STON2: variants seen among roughly 807,000 people sequenced by gnomAD.
The protein encoded by STON2 is stonin-2.
A neutral mutation model predicts 65.7 loss-of-function variants in STON2; 29 were observed. The observed-to-expected ratio is 0.44, with a 90% CI of 0.33 to 0.60. The LOEUF is 0.60. Among genes scored for constraint, STON2 ranks in the 20% least tolerant of loss-of-function variants. STON2 has a pLI of 0.03. For missense variants in STON2, 1,054 were observed against 1,118.1 expected, an observed-to-expected ratio of 0.94 and a Z score of 0.82; for synonymous variants, 404 against 414.2, an observed-to-expected ratio of 0.98 and a Z score of 0.30.
chr14:81,430,347 C>T (rs1056276106), intron 1 of STON2, among the ~76,000 whole-genome samples: 2 of 152,202 alleles, frequency 1.3e-5, no homozygotes, highest in African/African-American at 4.8e-5. Flanking sequence ...TCTCTGAATT[C>T]CTCGTAACGT....
rs1251552555 is a variant in STON2 at position 81,262,672 on chromosome 14, AG to A, written c.*5741del. On this transcript the variant is annotated 3_prime_UTR_variant, in exon 8 of 8. Coordinates refer to ENST00000614646, the MANE Select transcript of STON2 (RefSeq NM_001394390.1). ...TACTGTGGATAGTTTCTGCCTTTAC[AG>A]GCTTAGAATTGACAAATTGAGAGAC... 8 of 985,338 alleles carry A rather than the reference AG, an allele frequency of 8.1e-6. No homozygotes were observed. The African/African-American group carries it at 1.4e-4, about 17-fold the overall frequency. The allele number at this position is 985,338 out of a possible 1,614,324, so 61.0% of individuals were successfully genotyped here. A position where few individuals can be genotyped will look rare whatever the true frequency, so the allele number is the denominator to read the frequency against.
chr14:81,386,566 T>G lies in STON2; in HGVS notation c.373+9328A>C, dbSNP rs1595429132. 5.3e-5 allele frequency among the ~76,000 whole-genome samples: 8 copies of G among 152,220 alleles called. No individual in the cohort carries two copies. In the South Asian group the frequency reaches 1.7e-3, roughly 32 times the overall value. On this transcript the variant is annotated intron_variant, in intron 3 of 7. Transcript: ENST00000614646. The stretch of plus-strand genomic sequence containing the variant: ...AGCCCAAGCTTTTAGGGAAGACGTT[T>G]GAAGCATAAGGGAATACTAGTGTTT...
chr14:81,287,599 C>A (rs1486828946), intron 5 of STON2, among the ~76,000 whole-genome samples: 2 of 152,144 alleles, frequency 1.3e-5, no homozygotes, highest in African/African-American at 2.4e-5. Flanking sequence ...TCCCAGCTTT[C>A]ATTTTTTTTG....
chr14:81,386,213 T>C (rs1265376463), intron 3 of STON2, among the ~76,000 whole-genome samples: 5 of 151,988 alleles, frequency 3.3e-5, no homozygotes, highest in Admixed American at 6.6e-5. Context: ...AGAAGAACAA[T>C]TGAAGGTATT....
intron 5 of STON2, among the ~76,000 whole-genome samples, chr14:81,321,873 C>T (rs1285728953): frequency 6.6e-6 from 1 of 152,276 alleles, no homozygotes; most frequent in East Asian, 1.9e-4. Context: ...CCATCCCATC[C>T]CATGGAAACT....
intron 2 of STON2, among the ~76,000 whole-genome samples, chr14:81,410,779 G>A (rs377493575): frequency 4.6e-5 from 7 of 152,288 alleles, no homozygotes; most frequent in African/African-American, 1.4e-4. Flanking sequence ...GAAAGAAAAA[G>A]GGAGTATAAC....
chr14:81,347,400 C>T (rs74886757), intron 4 of STON2, among the ~76,000 whole-genome samples: 2,717 of 151,934 alleles, frequency 0.018, 40 homozygotes, highest in South Asian at 0.027. Context: ...TCTGAATAGA[C>T]CAATAACAAG....
intron 3 of STON2, among the ~76,000 whole-genome samples, chr14:81,373,625 T>C (rs950714099): frequency 5.3e-5 from 8 of 152,134 alleles, no homozygotes; most frequent in African/African-American, 1.4e-4. Context: ...TCTCAAGATT[T>C]TGAACAAACC....
At chr14:81,272,206 T>C (rs1894627955) in intron 6 of STON2, among the ~76,000 whole-genome samples, 1 of 152,114 alleles carries the variant, frequency 6.6e-6, no homozygotes, top group African/African-American at 2.4e-5. Flanking sequence ...CGGGTGACAG[T>C]GTGAGACTCC....
exon 1 of STON2, chr14:81,436,352 C>G (rs983175377): frequency 1.3e-5 from 2 of 151,602 alleles, no homozygotes; most frequent in African/African-American, 2.4e-5. Flanking sequence ...CCCCGGCGTC[C>G]GCCGAAAGGT....
chr14:81,417,958 G>C (rs1157570085), intron 2 of STON2, among the ~76,000 whole-genome samples: 1 of 152,162 alleles, frequency 6.6e-6, no homozygotes, highest in Non-Finnish European at 1.5e-5. Flanking sequence ...GTCAAATGCT[G>C]AGGAGAGACA....
In STON2 at chr14:81,375,562, G is replaced by T. The variant is rs184997198; in HGVS notation, c.374-4377C>A. Among the ~76,000 whole-genome samples, 5 of 152,008 alleles carry T rather than the reference G, an allele frequency of 3.3e-5. No individual in the cohort carries two copies. In the East Asian group the frequency reaches 9.6e-4, roughly 29 times the overall value. On this transcript the variant is annotated intron_variant, in intron 3 of 7. Transcript: ENST00000614646. The stretch of plus-strand genomic sequence containing the variant: ...AATGCAAAAATTGACAGAACTGTAA[G>T]AAAGTAAGAAATGTCCATCATCATA...
chr14:81,373,958 T>C (rs912296011), intron 3 of STON2, among the ~76,000 whole-genome samples: 2 of 150,012 alleles, frequency 1.3e-5, no homozygotes, highest in African/African-American at 2.5e-5. Context: ...TCCAGGTTAG[T>C]AGCCTCATGT....
chr14:81,379,657 A>C (rs1407346163), intron 3 of STON2, among the ~76,000 whole-genome samples: 2 of 152,226 alleles, frequency 1.3e-5, no homozygotes, highest in African/African-American at 4.8e-5. Flanking sequence ...TACACAGACC[A>C]ATGAAATAGG....
intron 5 of STON2, among the ~76,000 whole-genome samples, chr14:81,299,176 G>A (rs1185450633): frequency 6.6e-6 from 1 of 152,176 alleles, no homozygotes; most frequent in East Asian, 1.9e-4. Flanking sequence ...CTTGTCTTAG[G>A]CAACTCTTCT....
At chr14:81,270,455 CTT>C in intron 7 of STON2, 2 of 1,475,016 alleles carry the variant, frequency 1.4e-6, no homozygotes, top group Non-Finnish European at 1.8e-6. Flanking sequence ...TGATGAGCCT[CTT>C]TATTTTTTTC....
chr14:81,385,772 T>G (rs550745467), intron 3 of STON2, among the ~76,000 whole-genome samples: 8 of 152,330 alleles, frequency 5.3e-5, no homozygotes, highest in Admixed American at 5.2e-4. Context: ...TCAAACCATA[T>G]TCTGGAATAA....
intron 7 of STON2, chr14:81,270,052 T>C: frequency 1.0e-6 from 1 of 983,410 alleles, no homozygotes; most frequent in Non-Finnish European, 1.2e-6. Flanking sequence ...ACATAAATTA[T>C]ATTGCAAATG....
At chr14:81,382,361 T>C (rs1899566712) in intron 3 of STON2, among the ~76,000 whole-genome samples, 1 of 152,226 alleles carries the variant, frequency 6.6e-6, no homozygotes, top group Non-Finnish European at 1.5e-5. Context: ...TTTTCGTTTT[T>C]GACATGGACA....
Sources: allele counts gnomAD v4.1 joint callset (sites outside exome capture counted in the v4.1 genomes callset), GRCh38; gene constraint gnomAD v4.1.1; transcripts MANE v1.5; gene names NCBI Gene and HGNC (gene_info 2026-07-23, HGNC 2026-07-21).